Variants in TGFBR1 observed in about 807,000 individuals in gnomAD.
TGFBR1 encodes the protein transforming growth factor beta receptor 1.
TGFBR1 carries 20 observed loss-of-function variants against 55.1 expected under a neutral mutation model. The observed-to-expected ratio is 0.36, with a 90% CI of 0.26 to 0.53. The LOEUF (loss-of-function observed/expected upper bound fraction) is 0.53. Among genes scored for constraint, TGFBR1 ranks in the 20% least tolerant of loss-of-function variants. TGFBR1 has a pLI of 0.91. For synonymous variants in TGFBR1, 220 were observed against 214.8 expected, an observed-to-expected ratio of 1.02 and a Z score of -0.21; for missense variants, 385 against 617.6, an observed-to-expected ratio of 0.62 and a Z score of 3.99.
chr9:99,107,676 C>T (rs931178069), intron 1 of TGFBR1, among the ~76,000 whole-genome samples: 1 of 152,184 alleles, frequency 6.6e-6, no homozygotes, highest in Non-Finnish European at 1.5e-5. Flanking sequence ...CCTCAGCCTT[C>T]CCCGTGAAGG....
At position 99,153,323 on chromosome 9, in the gene TGFBR1, C is replaced by A; in HGVS notation, c.*4018C>A. 1 of 218,056 alleles carries A rather than the reference C, an allele frequency of 4.6e-6. No individual in the cohort carries two copies. Among genetic ancestry groups the A allele is most frequent in the African/African-American group, 2.2e-5 (1 of 44,622 alleles). 13.5% of individuals were successfully genotyped at this position (218,056 alleles called of 1,614,324 possible). ...GTACTGTATTGTTTATATTTGTACC[C>A]CAAATAACATCGTCTGTACTTTCTG... On this transcript the variant is annotated 3_prime_UTR_variant, in exon 9 of 9. Coordinates refer to ENST00000374994, the MANE Select transcript of TGFBR1 (RefSeq NM_004612.4).
chr9:99,131,549 T>C (rs529771379), intron 2 of TGFBR1, among the ~76,000 whole-genome samples: 1 of 152,226 alleles, frequency 6.6e-6, no homozygotes, highest in Non-Finnish European at 1.5e-5. Flanking sequence ...AAATCTTAAT[T>C]ATTAATAGAA....
intron 1 of TGFBR1, among the ~76,000 whole-genome samples, chr9:99,125,056 A>G (rs1363151433): frequency 6.6e-6 from 1 of 152,200 alleles, no homozygotes; most frequent in Non-Finnish European, 1.5e-5. Context: ...ATTCCATGTG[A>G]CAGATGATGT....
At chr9:99,130,709 A>T (rs540727559) in intron 2 of TGFBR1, among the ~76,000 whole-genome samples, 3 of 152,338 alleles carry the variant, frequency 2.0e-5, no homozygotes, top group Admixed American at 1.3e-4. Context: ...AGTTCAAAAG[A>T]AGTAGTCTGA....
At chr9:99,148,815 GA>G (rs1219858594) in intron 8 of TGFBR1, among the ~76,000 whole-genome samples, 1 of 150,860 alleles carries the variant, frequency 6.6e-6, no homozygotes, top group East Asian at 1.9e-4. Flanking sequence ...TTGGGCGGCA[GA>G]GTGAGACCCT....
intron 1 of TGFBR1, among the ~76,000 whole-genome samples, chr9:99,125,664 G>T (rs1487144031): frequency 6.6e-6 from 1 of 152,126 alleles, no homozygotes; most frequent in East Asian, 1.9e-4. Flanking sequence ...AGGACATTTG[G>T]CCTGAAGGGG....
intron 4 of TGFBR1, among the ~76,000 whole-genome samples, chr9:99,141,890 C>T (rs1396593072): frequency 6.6e-6 from 1 of 152,190 alleles, no homozygotes; most frequent in Non-Finnish European, 1.5e-5. Context: ...CCCAGCTTTT[C>T]CAGTTTTGCT....
chr9:99,146,459 A>G lies in TGFBR1; in HGVS notation c.1131-26A>G, dbSNP rs754893495. Reference sequence around the variant, plus strand: ...TATGGCAGTAAGGGGATGATTTTCAAAGTTCTTTTTGCAAATTTTTTTTAG... The same window carrying G: ...TATGGCAGTAAGGGGATGATTTTCAGAGTTCTTTTTGCAAATTTTTTTTAG... On this transcript the variant is annotated intron_variant, in intron 6 of 8. Transcript: ENST00000374994. The G allele has an allele frequency of 1.2e-5, 20 of 1,613,576 alleles. No individual in the cohort carries two copies. In the South Asian group the frequency reaches 2.0e-4, roughly 16 times the overall value.
In TGFBR1 at chr9:99,144,367, G is replaced by C. The variant is rs11466467; in HGVS notation, c.974-365G>C. On this transcript the variant is annotated intron_variant, in intron 5 of 8. Transcript: ENST00000374994. The stretch of plus-strand genomic sequence containing the variant: ...ACTTAATACTGAGTACATTGCAGTT[G>C]ATAGGGAAGTGATGTTCTACATGCT... 3.3e-3 allele frequency among the ~76,000 whole-genome samples: 504 copies of C among 152,284 alleles called. 1 individual carries two copies. Among genetic ancestry groups the C allele is most frequent in the African/African-American group, 0.011 (470 of 41,570 alleles).
chr9:99,148,072 A>G (rs1827858068), intron 8 of TGFBR1, among the ~76,000 whole-genome samples: 1 of 152,206 alleles, frequency 6.6e-6, no homozygotes, highest in Non-Finnish European at 1.5e-5. Flanking sequence ...CAGCCGGGGC[A>G]ACCCAGAACA....
At chr9:99,108,385 G>C (rs1217256883) in intron 1 of TGFBR1, among the ~76,000 whole-genome samples, 1 of 152,242 alleles carries the variant, frequency 6.6e-6, no homozygotes, top group African/African-American at 2.4e-5. Flanking sequence ...GAGCAGGACT[G>C]ATGTTCAATA....
intron 1 of TGFBR1, among the ~76,000 whole-genome samples, chr9:99,109,651 C>T (rs1035241157): frequency 2.0e-5 from 3 of 152,162 alleles, no homozygotes; most frequent in African/African-American, 7.2e-5. Flanking sequence ...AACCACAGAG[C>T]CCCTTGCAAA....
At chr9:99,138,130 A>G (rs1340628540) in intron 4 of TGFBR1, 41 bp downstream of exon 4, 1 of 1,553,024 alleles carries the variant, frequency 6.4e-7, no homozygotes, top group Non-Finnish European at 8.9e-7. Context: ...ATATAACAAG[A>G]TCTCTTTAAG....
intron 1 of TGFBR1, among the ~76,000 whole-genome samples, chr9:99,109,832 T>C (rs1029035838): frequency 2.0e-5 from 3 of 152,230 alleles, no homozygotes; most frequent in Non-Finnish European, 4.4e-5. Context: ...GATTTTTTAA[T>C]GCTTTGTCCC....
intron 1 of TGFBR1, among the ~76,000 whole-genome samples, chr9:99,115,177 T>C (rs1826700910): frequency 6.6e-6 from 1 of 152,216 alleles, no homozygotes; most frequent in African/African-American, 2.4e-5. Context: ...TCATGATTTG[T>C]AAGGATTCAC....
Position 99,151,397 on chromosome 9 carries a change from GTTT to G in TGFBR1, c.*2103_*2105del, listed in dbSNP as rs200529894. ...CTTTTTTTGTGGGGGTTTTTTTTTTGTTTTTTTTTTTTTGTTGTTGTTTTTGGG... is the reference window on the plus strand; with the variant it reads ...CTTTTTTTGTGGGGGTTTTTTTTTTGTTTTTTTTTTGTTGTTGTTTTTGGG... On this transcript the variant is annotated 3_prime_UTR_variant, in exon 9 of 9. Transcript: ENST00000374994. 2.4e-5 allele frequency: 4 copies of G among 163,516 alleles called. No homozygotes were observed. The highest frequency in any genetic ancestry group is 3.5e-5 in the Non-Finnish European group (3 of 85,482). The allele number at this position is 163,516 out of a possible 1,614,324, so 10.1% of individuals were successfully genotyped here.
chr9:99,110,890 A>G (rs985975470), intron 1 of TGFBR1, among the ~76,000 whole-genome samples: 9 of 152,214 alleles, frequency 5.9e-5, no homozygotes, highest in African/African-American at 1.4e-4. Context: ...TTTCCTATAC[A>G]AATGCTCCTC....
At chr9:99,137,604 A>G (rs1007140251) in intron 3 of TGFBR1, among the ~76,000 whole-genome samples, 10 of 152,194 alleles carry the variant, frequency 6.6e-5, no homozygotes, top group African/African-American at 2.4e-4. Context: ...GGGATAGTCA[A>G]AATTCAACTT....
chr9:99,127,994 G>T (rs1181054680), intron 1 of TGFBR1: 5 of 455,898 alleles, frequency 1.1e-5, no homozygotes, highest in Non-Finnish European at 2.2e-5. Flanking sequence ...AACAAAACTA[G>T]CAATTCTGGT....
Sources: allele counts gnomAD v4.1 joint callset (sites outside exome capture counted in the v4.1 genomes callset), GRCh38; gene constraint gnomAD v4.1.1; transcripts MANE v1.5; gene names NCBI Gene and HGNC (gene_info 2026-07-23, HGNC 2026-07-21).